The following MSH3 variants were observed in gnomAD, a reference collection of about 807,000 sequenced individuals.
MSH3 encodes the protein mutS homolog 3.
Under a neutral mutation model 123.3 loss-of-function variants are expected in MSH3, and 106 were observed. That is an observed-to-expected ratio of 0.86 (90% CI 0.73 to 1.01). The LOEUF (loss-of-function observed/expected upper bound fraction) is 1.01. Ranked by LOEUF, MSH3 falls within the 50% of genes least tolerant of loss-of-function variation. The pLI, the probability that MSH3 is intolerant of heterozygous loss-of-function variation, is 0.00. For missense variants in MSH3, 1,459 were observed against 1,347.6 expected (o/e 1.08, Z -1.29); for synonymous variants, 515 against 481.4 (o/e 1.07, Z -0.91).
chr5:80,790,979 T>C (rs1744596579), intron 18 of MSH3, among the ~76,000 whole-genome samples: 1 of 152,168 alleles, frequency 6.6e-6, no homozygotes. Flanking sequence ...GTGAATAATA[T>C]ATTTGTAAGG....
intron 8 of MSH3, among the ~76,000 whole-genome samples, chr5:80,703,552 C>G (rs150290906): frequency 6.6e-6 from 1 of 152,168 alleles, no homozygotes; most frequent in Non-Finnish European, 1.5e-5. Context: ...CTGTCACACT[C>G]TGTCATTTTC....
intron 2 of MSH3, among the ~76,000 whole-genome samples, chr5:80,662,847 T>G (rs1323152685): frequency 6.6e-6 from 1 of 151,866 alleles, no homozygotes. Context: ...AAAATTTTAT[T>G]TGGGAAGCAA....
chr5:80,761,505 T>C, intron 12 of MSH3, 41 bp from the exon 13 acceptor site: 2 of 1,612,248 alleles, frequency 1.2e-6, no homozygotes, highest in Non-Finnish European at 1.7e-6. Context: ...TATTCTGAAT[T>C]CCTAACATAT....
chr5:80,677,898 G>T (rs1260009538), intron 7 of MSH3, among the ~76,000 whole-genome samples: 1 of 152,108 alleles, frequency 6.6e-6, no homozygotes, highest in Non-Finnish European at 1.5e-5. Flanking sequence ...ATGGACATGT[G>T]CATTCTTTCT....
At chr5:80,759,628 C>T (rs1247562818) in intron 12 of MSH3, among the ~76,000 whole-genome samples, 1 of 152,126 alleles carries the variant, frequency 6.6e-6, no homozygotes, top group Non-Finnish European at 1.5e-5. Context: ...TAGCAAGTCA[C>T]AGATGAGTTT....
At chr5:80,727,235 C>T (rs6151729) in intron 9 of MSH3, among the ~76,000 whole-genome samples, 2 of 152,324 alleles carry the variant, frequency 1.3e-5, no homozygotes, top group South Asian at 2.1e-4. Flanking sequence ...CACATTGATA[C>T]ACCATCTTTG....
chr5:80,834,445 C>T (rs966635898), intron 20 of MSH3, among the ~76,000 whole-genome samples: 4 of 149,772 alleles, frequency 2.7e-5, no homozygotes, highest in African/African-American at 7.3e-5. Context: ...GAACTGTGTA[C>T]CTAAGAAATG....
At position 80,717,775 on chromosome 5, in the gene MSH3, T is replaced by C. The variant is rs556864562; in HGVS notation, c.1341-7678T>C. Among the ~76,000 whole-genome samples the C allele has an allele frequency of 2.0e-3, 309 of 152,312 alleles. 2 individuals are homozygous for C. Among genetic ancestry groups the C allele is most frequent in the Middle Eastern group, 6.8e-3 (2 of 294 alleles). On this transcript the variant is annotated intron_variant, in intron 8 of 23. Transcript: ENST00000265081. ...ATGATTAATGAGAGCATTTTTTTTT[T>C]CATATATTGGCCATTCTTTCAGGGC...
rs535518225 is a variant in MSH3, at chr5:80,691,904, G to T, written c.1340+12811G>T. Among the ~76,000 whole-genome samples the T allele has an allele frequency of 2.6e-4, 32 of 121,424 alleles. 5 individuals are homozygous for T. Among genetic ancestry groups the T allele is most frequent in the South Asian group, 1.1e-3 (4 of 3,686 alleles). 79.7% of individuals were successfully genotyped at this position (121,424 alleles called of 152,430 possible). On this transcript the variant is annotated intron_variant, in intron 8 of 23. Transcript: ENST00000265081. ...AGATAAACGTGTATATGTTTATATA[G>T]ATAAACATGTATATGTTTATATAGA...
chr5:80,865,499 C>T (rs1346189370), intron 22 of MSH3, among the ~76,000 whole-genome samples: 2 of 152,154 alleles, frequency 1.3e-5, no homozygotes, highest in Non-Finnish European at 2.9e-5. Context: ...TCTGGGTTCT[C>T]TTCTGTTCCC....
At chr5:80,690,482 A>G (rs1464853772) in intron 8 of MSH3, among the ~76,000 whole-genome samples, 8 of 151,858 alleles carry the variant, frequency 5.3e-5, no homozygotes, top group African/African-American at 9.7e-5. Context: ...TAATTTTTGT[A>G]TTTTTGTAGA....
chr5:80,750,162 A>C (rs1743808427), intron 12 of MSH3, among the ~76,000 whole-genome samples: 1 of 150,562 alleles, frequency 6.6e-6, no homozygotes, highest in South Asian at 2.1e-4. Context: ...GGTTGTTTCC[A>C]TATCTTGATA....
intron 8 of MSH3, among the ~76,000 whole-genome samples, chr5:80,687,062 G>T (rs1232643391): frequency 6.6e-6 from 1 of 152,046 alleles, no homozygotes; most frequent in South Asian, 2.1e-4. Flanking sequence ...TATTTACTTT[G>T]TATCATATTG....
At chr5:80,824,295 C>A (rs1202367552) in intron 20 of MSH3, among the ~76,000 whole-genome samples, 1 of 152,040 alleles carries the variant, frequency 6.6e-6, no homozygotes, top group Non-Finnish European at 1.5e-5. Context: ...CCTCACCTCC[C>A]GGACGGGGTG....
chr5:80,859,723 T>TG (rs1332477811), intron 21 of MSH3, among the ~76,000 whole-genome samples: 2 of 151,012 alleles, frequency 1.3e-5, no homozygotes, highest in Admixed American at 6.6e-5. Context: ...TTTTTTTTTT[T>TG]TTTTGTTTTT....
At chr5:80,846,883 C>T (rs1046735515) in intron 20 of MSH3, among the ~76,000 whole-genome samples, 2 of 152,168 alleles carry the variant, frequency 1.3e-5, no homozygotes, top group Admixed American at 6.5e-5. Flanking sequence ...GGTGAGGCAA[C>T]GCCCTGCCCT....
chr5:80,773,516 TTAATA>T (rs1744247754), intron 15 of MSH3, among the ~76,000 whole-genome samples: 2 of 152,332 alleles, frequency 1.3e-5, no homozygotes, highest in East Asian at 1.9e-4. Flanking sequence ...CCACTAATTC[TTAATA>T]TAATTAATGT....
rs536095042 is a variant in MSH3, at chr5:80,848,750, G to A, written c.2814-5380G>A. ...TCCCACTGGGTCCCTCCCACAACAC[G>A]TGGGAATTATGGGAGCTAGAAGATG... On this transcript the variant is annotated intron_variant, in intron 20 of 23. Coordinates refer to ENST00000265081, the MANE Select transcript of MSH3 (RefSeq NM_002439.5). Among the ~76,000 whole-genome samples the A allele has an allele frequency of 9.2e-5, 14 of 152,252 alleles. No individual in the cohort carries two copies. In the South Asian group the frequency reaches 1.7e-3, roughly 18 times the overall value.
At chr5:80,671,390 C>A (rs1172309213) in intron 4 of MSH3, among the ~76,000 whole-genome samples, 1 of 152,088 alleles carries the variant, frequency 6.6e-6, no homozygotes, top group Non-Finnish European at 1.5e-5. Context: ...CTTCAAGTTT[C>A]CTAAATCCTC....
Sources: gnomAD v4.1 joint callset for allele counts (sites outside exome capture counted in the v4.1 genomes callset) on GRCh38, gnomAD v4.1.1 for gene constraint, MANE v1.5 for transcripts, NCBI Gene and HGNC (gene_info 2026-07-23, HGNC 2026-07-21) for gene names.